The following NT5M variants were observed in gnomAD, a reference collection of about 807,000 sequenced individuals.
NT5M encodes 5'(3')-deoxyribonucleotidase, mitochondrial.
A neutral mutation model predicts 22.2 loss-of-function variants in NT5M; 22 were observed. The observed-to-expected ratio is 0.99, with a 90% confidence interval of 0.71 to 1.41. NT5M has a LOEUF of 1.41. NT5M is among the 40% of genes most tolerant of loss of function. The probability of loss-of-function intolerance (pLI) is 0.00; values close to 1 mark genes in which losing one functional copy is unlikely to be tolerated. For missense variants in NT5M, 322 were observed against 314.8 expected (o/e 1.02, Z -0.17); for synonymous variants, 167 against 133.0 (o/e 1.26, Z -1.76).
intron 2 of NT5M, among the ~76,000 whole-genome samples, chr17:17,307,102 G>T (rs2048818851): frequency 6.6e-6 from 1 of 152,174 alleles, no homozygotes; most frequent in African/African-American, 2.4e-5. Flanking sequence ...GGAGGCTGAG[G>T]CAGGAGAAAC....
chr17:17,305,783 G>T (rs2048787805), intron 1 of NT5M, among the ~76,000 whole-genome samples: 1 of 152,104 alleles, frequency 6.6e-6, no homozygotes, highest in Non-Finnish European at 1.5e-5. Context: ...TGGCCCTGCA[G>T]CAGAACAGGG....
At chr17:17,324,209 C>T (rs1201321705) in intron 3 of NT5M, among the ~76,000 whole-genome samples, 3 of 145,122 alleles carry the variant, frequency 2.1e-5, no homozygotes, top group Non-Finnish European at 4.5e-5. Flanking sequence ...CATGGTCAGG[C>T]GCGGTGGCTC....
At chr17:17,308,674 T>C (rs1231893295) in intron 2 of NT5M, among the ~76,000 whole-genome samples, 1 of 152,196 alleles carries the variant, frequency 6.6e-6, no homozygotes, top group African/African-American at 2.4e-5. Flanking sequence ...CACAAAGTTG[T>C]GCAACCATCA....
chr17:17,341,745 C>T (rs796358370), intron 3 of NT5M, among the ~76,000 whole-genome samples: 8 of 152,230 alleles, frequency 5.3e-5, no homozygotes, highest in African/African-American at 1.9e-4. Context: ...TAAAATTTAA[C>T]CCTGGCTGGG....
intron 2 of NT5M, 82 bp downstream of exon 2, chr17:17,306,725 T>G: frequency 1.1e-6 from 1 of 951,992 alleles, no homozygotes; most frequent in Non-Finnish European, 1.7e-6. Flanking sequence ...TCTTCCCTCC[T>G]CTGCCTTCTC....
intron 1 of NT5M, among the ~76,000 whole-genome samples, chr17:17,305,413 C>CCCCCCCCCCCCCCCCCT (rs1567877233): frequency 3.2e-5 from 4 of 124,976 alleles, no homozygotes; most frequent in Admixed American, 8.0e-5. Context: ...CCCCCGCCCC[C>CCCCCCCCCCCCCCCCCT]ACACACGTGG....
chr17:17,334,167 A>G (rs1255200506), intron 3 of NT5M, among the ~76,000 whole-genome samples: 4 of 152,070 alleles, frequency 2.6e-5, no homozygotes, highest in Non-Finnish European at 2.9e-5. Flanking sequence ...GGGTTTCACC[A>G]TGTTGGCCAG....
chr17:17,335,111 A>C (rs1471992098), intron 3 of NT5M, among the ~76,000 whole-genome samples: 1 of 150,824 alleles, frequency 6.6e-6, no homozygotes, highest in Non-Finnish European at 1.5e-5. Context: ...TTTTTTTGGC[A>C]TAGAGACTAT....
chr17:17,330,251 G>A (rs1237127882), intron 3 of NT5M, among the ~76,000 whole-genome samples: 1 of 145,724 alleles, frequency 6.9e-6, no homozygotes, highest in African/African-American at 2.6e-5. Context: ...AGTGAGCCGA[G>A]ATGGTGCCAC....
chr17:17,307,478 G>A lies in NT5M; in HGVS notation c.368+835G>A, dbSNP rs576580393. On this transcript the variant is annotated intron_variant, in intron 2 of 4. Transcript: ENST00000389022. ...ATCTCAGCCGGGCGCGGTGGCTCAC[G>A]CCTGTAATCCTAGCACTTTGGGAGG... is the stretch of plus-strand genomic sequence containing the variant. Among the ~76,000 whole-genome samples, 11 of 148,144 alleles carry A rather than the reference G, an allele frequency of 7.4e-5. No individual in the cohort carries two copies. In the South Asian group the frequency reaches 2.4e-3, roughly 32 times the overall value.
chr17:17,306,713 C>T, intron 2 of NT5M, 70 bp downstream of exon 2: 2 of 1,029,998 alleles, frequency 1.9e-6, no homozygotes. Flanking sequence ...CTCCTTCCTG[C>T]TTCTTCCCTC....
intron 2 of NT5M, among the ~76,000 whole-genome samples, chr17:17,309,258 T>C (rs1362087850): frequency 1.3e-5 from 2 of 152,020 alleles, no homozygotes; most frequent in East Asian, 1.9e-4. Flanking sequence ...CTAGAGTCGC[T>C]GTGACCACAG....
intron 2 of NT5M, among the ~76,000 whole-genome samples, chr17:17,313,537 A>G (rs114788883): frequency 6.2e-4 from 95 of 152,302 alleles, no homozygotes; most frequent in African/African-American, 2.2e-3. Context: ...GGCACTGAGT[A>G]CAAGAGATGT....
At chr17:17,317,573 A>G (rs1396014989) in intron 2 of NT5M, among the ~76,000 whole-genome samples, 2 of 152,224 alleles carry the variant, frequency 1.3e-5, no homozygotes, top group African/African-American at 4.8e-5. Context: ...CCTGGGCAAC[A>G]TAGAGTGAGA....
At chr17:17,332,888 G>A (rs985143655) in intron 3 of NT5M, among the ~76,000 whole-genome samples, 3 of 152,130 alleles carry the variant, frequency 2.0e-5, no homozygotes, top group Non-Finnish European at 4.4e-5. Context: ...TGGGAGTGGA[G>A]GGTATATGGG....
intron 3 of NT5M, 80 bp from the exon 4 acceptor site, chr17:17,344,714 C>A: frequency 6.5e-7 from 1 of 1,546,398 alleles, no homozygotes; most frequent in Non-Finnish European, 8.8e-7. Flanking sequence ...CTAGGCTGAC[C>A]CCTGCCCTCG....
intron 3 of NT5M, among the ~76,000 whole-genome samples, chr17:17,332,972 C>T (rs1406335868): frequency 6.6e-6 from 1 of 152,098 alleles, no homozygotes; most frequent in East Asian, 1.9e-4. Flanking sequence ...AAAAAAAATC[C>T]ACAGTGAATG....
chr17:17,309,041 A>G lies in NT5M; in HGVS notation c.368+2398A>G, dbSNP rs528608045. Among the ~76,000 whole-genome samples the G allele has an allele frequency of 2.6e-5, 4 of 152,004 alleles. No individual in the cohort carries two copies. The South Asian group carries it at 8.3e-4, about 32-fold the overall frequency. ...GTTGATAGATGTTTGGGCAGTTTTC[A>G]CTTTTGGGCTATTGGGAATAGTGCT... On this transcript the variant is annotated intron_variant, in intron 2 of 4. Transcript: ENST00000389022.
rs951034966 is a variant in NT5M, at chr17:17,303,383, C to G, written c.-168C>G. The stretch of plus-strand genomic sequence containing the variant: ...GCGCGCCGCGGCCTCGCTCTGGGGC[C>G]GGTACTTGCGCGCCCGCACCCCGCG... On this transcript the variant is annotated 5_prime_UTR_variant, in exon 1 of 5. Transcript: ENST00000389022. 8.8e-6 allele frequency: 7 copies of G among 795,348 alleles called. No individual in the cohort carries two copies. The highest frequency in any genetic ancestry group is 9.2e-6 in the Non-Finnish European group (6 of 654,414). The allele number at this position is 795,348 out of a possible 1,614,324, so 49.3% of individuals were successfully genotyped here. A position where few individuals can be genotyped will look rare whatever the true frequency, so the allele number is the denominator to read the frequency against.
Sources: allele counts gnomAD v4.1 joint callset (sites outside exome capture counted in the v4.1 genomes callset), GRCh38; gene constraint gnomAD v4.1.1; transcripts MANE v1.5; gene names NCBI Gene and HGNC (gene_info 2026-07-23, HGNC 2026-07-21).